NPAT: variants seen among roughly 807,000 people sequenced by gnomAD.
NPAT encodes the protein nuclear protein, coactivator of histone transcription.
NPAT carries 52 observed loss-of-function variants against 130.7 expected under a neutral mutation model. That is an observed-to-expected ratio of 0.40 (90% CI 0.32 to 0.50). The LOEUF (loss-of-function observed/expected upper bound fraction) is 0.50. Among genes scored for constraint, NPAT ranks in the 20% least tolerant of loss-of-function variants. NPAT has a pLI of 0.68. For synonymous variants in NPAT, 580 were observed against 584.8 expected (o/e 0.99, Z 0.12); for missense variants, 1,687 against 1,662.6 (o/e 1.01, Z -0.26).
At chr11:108,215,571 C>T (rs1167726124) in intron 1 of NPAT, among the ~76,000 whole-genome samples, 2 of 152,174 alleles carry the variant, frequency 1.3e-5, no homozygotes, top group Non-Finnish European at 2.9e-5. Context: ...AACTTTATAA[C>T]GTTCTACTCT....
At chr11:108,194,048 A>G in intron 2 of NPAT, 31 bp from the exon 3 acceptor site, 1 of 1,115,002 alleles carries the variant, frequency 9.0e-7, no homozygotes, top group African/African-American at 1.5e-5. Flanking sequence ...TATTACCAAA[A>G]TTGTATAATA....
chr11:108,182,331 C>G (rs1462851286), intron 10 of NPAT, among the ~76,000 whole-genome samples: 1 of 152,132 alleles, frequency 6.6e-6, no homozygotes, highest in East Asian at 1.9e-4. Context: ...CCCTGCACAC[C>G]CTGGGTAGGC....
intron 1 of NPAT, among the ~76,000 whole-genome samples, chr11:108,217,003 G>A (rs2078441308): frequency 6.6e-6 from 1 of 152,138 alleles, no homozygotes; most frequent in South Asian, 2.1e-4. Context: ...TTGTTATACT[G>A]CTGATGAGAG....
chr11:108,208,497 A>G, intron 1 of NPAT: 1 of 455,076 alleles, frequency 2.2e-6, no homozygotes, highest in South Asian at 1.6e-5. Context: ...TGGAGGTGGG[A>G]GGATAGCTTG....
rs1300685078 is a variant in NPAT at position 108,161,256 on chromosome 11, T to A, written c.3830A>T (p.Glu1277Val). 1.2e-6 allele frequency: 2 copies of A among 1,614,138 alleles called. No homozygotes were observed. The highest frequency in any genetic ancestry group is 2.2e-5 in the South Asian group (2 of 91,084). The change falls in exon 17 of 18, where the codon GAA becomes GTA. Residue 1277 changes from glutamate to valine, a missense_variant. Glu to Val is a moderately radical substitution (Grantham distance 121). Around this residue, in one of 3 missense-constraint regions of NPAT, gnomAD observed 1,379 missense variants for 1,346.6 expected, o/e 1.02. Transcript: ENST00000278612. ...ATCTATAGGTTCTTCTTTATGTTTT[T>A]CCCCTGCCCCTGAGCCAGGTGTCCG... is the stretch of plus-strand genomic sequence containing the variant. Reference protein sequence around the residue: ...VPRTPGSGAGEKHKEEPIDII... With the variant: ...VPRTPGSGAGVKHKEEPIDII...
chr11:108,163,032 A>C (rs1010897637), intron 15 of NPAT, among the ~76,000 whole-genome samples: 14 of 152,106 alleles, frequency 9.2e-5, no homozygotes, highest in African/African-American at 3.1e-4. Flanking sequence ...ATATTATGCA[A>C]AAGGTTTCAG....
intron 15 of NPAT, among the ~76,000 whole-genome samples, chr11:108,168,036 CA>C (rs2077916512): frequency 6.6e-6 from 1 of 151,958 alleles, no homozygotes; most frequent in Non-Finnish European, 1.5e-5. Flanking sequence ...ATCATAGTGG[CA>C]AAAGTTAAAA....
chr11:108,207,652 G>A (rs113984047), intron 1 of NPAT, among the ~76,000 whole-genome samples: 1,691 of 152,354 alleles, frequency 0.011, 32 homozygotes, highest in African/African-American at 0.038. Context: ...CTTTGAAATC[G>A]GAGTGGGCAC....
At chr11:108,202,885 A>G (rs898604143) in intron 1 of NPAT, among the ~76,000 whole-genome samples, 3 of 152,132 alleles carry the variant, frequency 2.0e-5, no homozygotes, top group African/African-American at 7.2e-5. Context: ...AAAAGTACTA[A>G]TTAATGATGT....
At chr11:108,205,711 G>A (rs1332088974) in intron 1 of NPAT, among the ~76,000 whole-genome samples, 1 of 152,200 alleles carries the variant, frequency 6.6e-6, no homozygotes, top group East Asian at 1.9e-4. Context: ...AGGCTAAAAT[G>A]AGATGATACT....
At chr11:108,189,763 G>A (rs1044975322) in intron 5 of NPAT, among the ~76,000 whole-genome samples, 41 of 151,162 alleles carry the variant, frequency 2.7e-4, no homozygotes, top group African/African-American at 9.7e-4. Context: ...CCAGCTACTC[G>A]GGAGGCTGAG....
Position 108,173,801 on chromosome 11 carries a change from G to A in NPAT, c.1183C>T (p.Pro395Ser), listed in dbSNP as rs1451750923. 1 of 1,613,970 alleles carries A rather than the reference G, an allele frequency of 6.2e-7. No homozygotes were observed. Among genetic ancestry groups the A allele is most frequent in the Non-Finnish European group, 8.5e-7 (1 of 1,179,994 alleles). ...TTGCTATTCTTCAAAGCATTTAATGGGTCATCATTCTGATAGGATGTACAA... is the reference window on the plus strand; with the variant it reads ...TTGCTATTCTTCAAAGCATTTAATGAGTCATCATTCTGATAGGATGTACAA... ...AFCTSYQNDD[P>S]LNALKNSNNH... is the part of the protein sequence containing the mutation. Residue 395 changes from proline (P) to serine (S), a missense_variant, in exon 13 of 18, where the codon CCA becomes TCA. Physicochemically the swap from Pro to Ser is moderately conservative, Grantham distance 74 (BLOSUM62 -1). Coordinates refer to ENST00000278612, the MANE Select transcript of NPAT (RefSeq NM_002519.3).
In NPAT at chr11:108,222,601, G is replaced by A; in HGVS notation, c.-65C>T. 1.3e-6 allele frequency: 2 copies of A among 1,572,098 alleles called. No individual in the cohort carries two copies. The highest frequency in any genetic ancestry group is 2.2e-5 in the South Asian group (2 of 89,112). On this transcript the variant is annotated 5_prime_UTR_variant, in exon 1 of 18. Transcript: ENST00000278612. ...TCAGGTTAAAGCAAACACAGCGACAGCTCCTGCGCCGCATCTCCTGGTTCC... is the reference window on the plus strand; with the variant it reads ...TCAGGTTAAAGCAAACACAGCGACAACTCCTGCGCCGCATCTCCTGGTTCC...
At chr11:108,165,480 T>TTTC (rs1408940055) in intron 15 of NPAT, among the ~76,000 whole-genome samples, 1 of 147,426 alleles carries the variant, frequency 6.8e-6, no homozygotes, top group East Asian at 2.0e-4. Flanking sequence ...ATATTTTTTT[T>TTTC]TTGTGATAGG....
intron 1 of NPAT, among the ~76,000 whole-genome samples, chr11:108,209,848 C>T (rs1248759603): frequency 3.5e-5 from 5 of 142,744 alleles, no homozygotes; most frequent in Non-Finnish European, 7.5e-5. Flanking sequence ...GAGATCATGC[C>T]GCTGCACTCC....
At chr11:108,222,446 C>T (rs1182857005) in intron 1 of NPAT, 54 bp downstream of exon 1, 5 of 1,601,424 alleles carry the variant, frequency 3.1e-6, no homozygotes, top group Non-Finnish European at 4.3e-6. Context: ...CTCAAAGGTC[C>T]TTCTGTCCAG....
rs753469498 is a variant in NPAT, at chr11:108,222,512, G to A, written c.25C>T (p.Arg9Trp). 6.2e-7 allele frequency: 1 copy of A among 1,613,838 alleles called. No homozygotes were observed. The highest frequency in any genetic ancestry group is 8.5e-7 in the Non-Finnish European group (1 of 1,179,902). Residue 9 changes from arginine (R) to tryptophan (W), a missense_variant, in exon 1 of 18, where the codon CGG becomes TGG. By Grantham distance (101) the Arg-to-Trp change is moderately radical. Around this residue, in one of 3 missense-constraint regions of NPAT, gnomAD observed 307 missense variants for 298.9 expected, o/e 1.03. Coordinates refer to ENST00000278612, the MANE Select transcript of NPAT (RefSeq NM_002519.3). ...CGTCCGCGCTTACCCAATACAAGCCGGGCTACGTCCGAGGGTAACAACATG... is the reference window on the plus strand; with the variant it reads ...CGTCCGCGCTTACCCAATACAAGCCAGGCTACGTCCGAGGGTAACAACATG... MLLPSDVA[R>W]LVLGYLQQEN... is the part of the protein sequence containing the mutation.
chr11:108,169,495 G>C (rs1028754185), intron 15 of NPAT, among the ~76,000 whole-genome samples: 7 of 152,144 alleles, frequency 4.6e-5, no homozygotes, highest in Admixed American at 3.9e-4. Context: ...ACTTAATTTA[G>C]GGAAGCTGCA....
At chr11:108,162,776 G>C (rs912500524) in intron 15 of NPAT, among the ~76,000 whole-genome samples, 2 of 152,146 alleles carry the variant, frequency 1.3e-5, no homozygotes, top group Admixed American at 6.5e-5. Flanking sequence ...AAATTACAAT[G>C]CTCAATATAG....
Sources: gnomAD v4.1 joint callset for allele counts (sites outside exome capture counted in the v4.1 genomes callset) on GRCh38, gnomAD v4.1.1 for gene constraint, gnomAD v4.1.1 regional missense constraint, MANE v1.5 for transcripts, NCBI Gene and HGNC (gene_info 2026-07-23, HGNC 2026-07-21) for gene names.